Variants in CCDC74B observed in about 807,000 individuals in gnomAD.
CCDC74B encodes the protein coiled-coil domain-containing protein 74B.
CCDC74B carries 34 observed loss-of-function variants against 38.0 expected under a neutral mutation model. The observed-to-expected ratio is 0.89, with a 90% CI of 0.68 to 1.19. The LOEUF (loss-of-function observed/expected upper bound fraction) is 1.19. Among genes scored for constraint, CCDC74B ranks in the 50% most tolerant of loss-of-function variants. The pLI is 0.00. For missense variants in CCDC74B, 358 were observed against 406.0 expected (o/e 0.88, Z 1.02); for synonymous variants, 132 against 170.4 (o/e 0.77, Z 1.76).
At chr2:130,140,583 T>C in intron 4 of CCDC74B, 1 of 556,212 alleles carries the variant, frequency 1.8e-6, no homozygotes, top group Non-Finnish European at 3.1e-6. Context: ...AAGGGTCAGA[T>C]GGGCTTCAGT....
At chr2:130,140,729 T>C in intron 4 of CCDC74B, 2 of 397,040 alleles carry the variant, frequency 5.0e-6, no homozygotes, top group Non-Finnish European at 8.9e-6. Context: ...GTGTGCGCTC[T>C]GTAGCATCTC....
In CCDC74B at chr2:130,144,539, A is replaced by G. The variant is rs1685907031; in HGVS notation, c.250+208T>C. The G allele has an allele frequency of 8.4e-6, 13 of 1,550,302 alleles. 1 individual carries two copies. The highest frequency in any genetic ancestry group is 1.1e-5 in the Non-Finnish European group (13 of 1,146,968). ...AATGCTGCTGCCCTAGGAGACAGGC[A>G]GACAGGTTCGGCACTGCCCGGGGGC... is the stretch of plus-strand genomic sequence containing the variant. On this transcript the variant is annotated intron_variant, in intron 1 of 7. Coordinates refer to ENST00000409943, the MANE Select transcript of CCDC74B (RefSeq NM_001258307.2).
At chr2:130,144,284 C>A in intron 1 of CCDC74B, 1 of 432,376 alleles carries the variant, frequency 2.3e-6, no homozygotes, top group Non-Finnish European at 4.4e-6. Context: ...GGACTACAGA[C>A]GCCCACCACC....
chr2:130,142,819 C>T (rs756563256), intron 2 of CCDC74B: 155 of 1,549,852 alleles, frequency 1.0e-4, no homozygotes, highest in Non-Finnish European at 1.3e-4. Flanking sequence ...GGTTGCTGCC[C>T]AGATGGCAGG....
intron 1 of CCDC74B, among the ~76,000 whole-genome samples, chr2:130,143,885 C>T (rs1417031276): frequency 6.9e-6 from 1 of 144,368 alleles, no homozygotes; most frequent in Non-Finnish European, 1.5e-5. Flanking sequence ...ATCCCACATC[C>T]TGGCGGGCCC....
chr2:130,142,877 T>A, intron 2 of CCDC74B: 1 of 1,550,368 alleles, frequency 6.5e-7, no homozygotes, highest in Non-Finnish European at 8.7e-7. Context: ...GCCCCCAGCA[T>A]GTCAGGACTC....
intron 3 of CCDC74B, 162 bp downstream of exon 3, chr2:130,141,971 G>A (rs1421617266): frequency 4.0e-5 from 16 of 397,424 alleles, no homozygotes; most frequent in African/African-American, 2.0e-4. Flanking sequence ...ATCCCCTCCC[G>A]GTGGCTTCAG....
chr2:130,143,445 C>T, intron 1 of CCDC74B, 132 bp from the exon 2 acceptor site: 1 of 1,170,496 alleles, frequency 8.5e-7, no homozygotes, highest in Non-Finnish European at 1.3e-6. Context: ...GGGCCCTGCC[C>T]CATGGATCCC....
At chr2:130,142,860 C>G (rs1414186007) in intron 2 of CCDC74B, 8 of 1,550,396 alleles carry the variant, frequency 5.2e-6, no homozygotes, top group Non-Finnish European at 4.4e-6. Context: ...GTGTCCAGAG[C>G]CCCTGGGCCC....
intron 2 of CCDC74B, chr2:130,143,017 C>G: frequency 2.7e-6 from 4 of 1,495,912 alleles, no homozygotes; most frequent in Non-Finnish European, 3.6e-6. Context: ...GTCTGGGGAG[C>G]ACCCTGTGCC....
chr2:130,145,011 G>A lies in CCDC74B; in HGVS notation c.-15C>T, dbSNP rs1288408160. The A allele has an allele frequency of 2.3e-5, 33 of 1,428,522 alleles. No homozygotes were observed. Among genetic ancestry groups the A allele is most frequent in the Non-Finnish European group, 2.9e-5 (32 of 1,087,998 alleles). The allele number at this position is 1,428,522 out of a possible 1,614,324, so 88.5% of individuals were successfully genotyped here. Reference sequence around the variant, plus strand: ...GCACCGCTCATATCGCCATCGCCAGGTACTCTCCCGCTGCCACTGCACCCC... The same window carrying A: ...GCACCGCTCATATCGCCATCGCCAGATACTCTCCCGCTGCCACTGCACCCC... On this transcript the variant is annotated 5_prime_UTR_variant, in exon 1 of 8. Coordinates refer to ENST00000409943, the MANE Select transcript of CCDC74B (RefSeq NM_001258307.2).
At position 130,139,878 on chromosome 2, in the gene CCDC74B, C is replaced by T. The variant is rs1354688491; in HGVS notation, c.809+13G>A. 3.2e-5 allele frequency: 51 copies of T among 1,610,416 alleles called. No homozygotes were observed. The highest frequency in any genetic ancestry group is 4.1e-5 in the Non-Finnish European group (48 of 1,178,540). ...CAGGGCTGCCCCACTGTCCCCATGC[C>T]TGTGGGACTTACCATTTCTTGGAGA... is the stretch of plus-strand genomic sequence containing the variant. On this transcript the variant is annotated intron_variant, in intron 7 of 7. Transcript: ENST00000409943.
Position 130,140,188 on chromosome 2 carries a change from C to T in CCDC74B, c.669G>A (p.Gln223=), listed in dbSNP as rs577846615. 1.2e-5 allele frequency: 20 copies of T among 1,612,938 alleles called. No homozygotes were observed. In the South Asian group the frequency reaches 1.9e-4, roughly 15 times the overall value. ...CCACCCAGGGCCTCACCTCTTGGGT[C>T]TGCAGGAGGTTGGTATTCCACAGCT... ...IRELWNTNLL[Q]TQELQHLKSL... The change falls in exon 5 of 8, where the codon CAG becomes CAA. Residue 223 remains glutamine, a synonymous_variant. Transcript: ENST00000409943.
rs141982064 is a variant in CCDC74B at position 130,141,174 on chromosome 2, C to T, written c.469G>A (p.Val157Ile). The T allele has an allele frequency of 1.6e-5, 25 of 1,612,838 alleles. No homozygotes were observed. In the African/African-American group the frequency reaches 2.1e-4, roughly 14 times the overall value. The change falls in exon 4 of 8, where the codon GTA becomes ATA. Residue 157 changes from valine to isoleucine, a missense_variant. This residue lies in a region of CCDC74B where 213 missense variants were observed against 212.3 expected (regional missense o/e 1.00). Transcript: ENST00000409943. Reference sequence around the variant, plus strand: ...AAGCCTTACCTGGCCTGCCCTTGTACCCCAGGAACCTTGTCCAGCTTGCTG... The same window carrying T: ...AAGCCTTACCTGGCCTGCCCTTGTATCCCAGGAACCTTGTCCAGCTTGCTG... Reference protein sequence around the residue: ...HNSKLDKVPGVQGQARKEKAE... With the variant: ...HNSKLDKVPGIQGQARKEKAE...
At chr2:130,140,419 T>C (rs937742209) in intron 4 of CCDC74B, 48 bp from the exon 5 acceptor site, 6 of 1,508,714 alleles carry the variant, frequency 4.0e-6, no homozygotes, top group Non-Finnish European at 5.3e-6. Context: ...CAGGTGCGTC[T>C]AACCACCCAC....
At chr2:130,144,373 T>G (rs1228270134) in intron 1 of CCDC74B, 1 of 987,502 alleles carries the variant, frequency 1.0e-6, no homozygotes, top group South Asian at 1.4e-5. Context: ...TCTCCTGACC[T>G]CGCGATCCGC....
At chr2:130,143,978 T>C (rs1685852382) in intron 1 of CCDC74B, among the ~76,000 whole-genome samples, 1 of 126,700 alleles carries the variant, frequency 7.9e-6, no homozygotes, top group Non-Finnish European at 1.6e-5. Flanking sequence ...AAGGGTGCAG[T>C]TGGGAAGGCC....
In CCDC74B at chr2:130,139,892, A is replaced by T; in HGVS notation, c.808T>A (p.Cys270Ser). 5 of 1,610,570 alleles carry T rather than the reference A, an allele frequency of 3.1e-6. No individual in the cohort carries two copies. The highest frequency in any genetic ancestry group is 4.2e-6 in the Non-Finnish European group (5 of 1,178,710). ...TGTCCCCATGCCTGTGGGACTTACC[A>T]TTTCTTGGAGAGGCTCTTGGTGGAG... ...KVSTKSLSKK[C>S]LLLSPPVAER... is the part of the protein sequence containing the mutation. Residue 270 changes from cysteine (C) to serine (S), a missense_variant and splice_region_variant, in exon 7 of 8, where the codon TGC (cysteine) becomes AGC (serine). This residue lies in a region of CCDC74B where 213 missense variants were observed against 212.3 expected (regional missense o/e 1.00). Transcript: ENST00000409943.
rs748244320 is a variant in CCDC74B at position 130,144,419 on chromosome 2, G to A, written c.250+328C>T. 21 of 1,096,002 alleles carry A rather than the reference G, an allele frequency of 1.9e-5. No homozygotes were observed. In the South Asian group the frequency reaches 2.3e-4, roughly 12 times the overall value. 67.9% of individuals were successfully genotyped at this position (1,096,002 alleles called of 1,614,324 possible). A position where few individuals can be genotyped will look rare whatever the true frequency, so the allele number is the denominator to read the frequency against. On this transcript the variant is annotated intron_variant, in intron 1 of 7. Coordinates refer to ENST00000409943, the MANE Select transcript of CCDC74B (RefSeq NM_001258307.2). Reference sequence around the variant, plus strand: ...CTCCCAAAGTGCTGGAATTACAGGCGTGAGCCGCCGCGCCCGGGCCCCTCT... The same window carrying A: ...CTCCCAAAGTGCTGGAATTACAGGCATGAGCCGCCGCGCCCGGGCCCCTCT...
Sources: allele counts gnomAD v4.1 joint callset (sites outside exome capture counted in the v4.1 genomes callset), GRCh38; gene constraint gnomAD v4.1.1; regional missense constraint gnomAD v4.1.1; transcripts MANE v1.5; gene names NCBI Gene and HGNC (gene_info 2026-07-23, HGNC 2026-07-21).